The following KATNIP variants were observed in gnomAD, a reference collection of about 807,000 sequenced individuals.
KATNIP encodes katanin-interacting protein.
Under a neutral mutation model 174.0 loss-of-function variants are expected in KATNIP, and 126 were observed. That is an observed-to-expected ratio of 0.72 (90% CI 0.63 to 0.84). The LOEUF is 0.84. KATNIP is among the 40% of genes least tolerant of loss of function. KATNIP has a pLI of 0.00. For missense variants in KATNIP, 1,958 were observed against 2,109.7 expected (o/e 0.93, Z 1.41); for synonymous variants, 810 against 835.7 (o/e 0.97, Z 0.53).
chr16:27,698,520 A>G lies in KATNIP; in HGVS notation c.1113+20A>G. ...CTGCAGGTGCGCTCCGGGCTGGGAGAGGAACCGGGGGATGCTCCCTGGACT... is the reference window on the plus strand; with the variant it reads ...CTGCAGGTGCGCTCCGGGCTGGGAGGGGAACCGGGGGATGCTCCCTGGACT... On this transcript the variant is annotated intron_variant, in intron 9 of 27. Transcript: ENST00000261588. The G allele has an allele frequency of 6.3e-7, 1 of 1,591,576 alleles. No homozygotes were observed.
At chr16:27,620,617 C>T (rs1043773494) in intron 3 of KATNIP, among the ~76,000 whole-genome samples, 1 of 152,146 alleles carries the variant, frequency 6.6e-6, no homozygotes, top group Non-Finnish European at 1.5e-5. Flanking sequence ...GTGGGAAGAA[C>T]TGCAATTTAC....
chr16:27,702,235 G>C (rs1332050157), intron 11 of KATNIP, among the ~76,000 whole-genome samples: 1 of 152,002 alleles, frequency 6.6e-6, no homozygotes, highest in Non-Finnish European at 1.5e-5. Context: ...CAGGTTTCCA[G>C]TAGAATACCC....
intron 1 of KATNIP, among the ~76,000 whole-genome samples, chr16:27,561,138 A>G (rs1394172737): frequency 6.6e-6 from 1 of 150,686 alleles, no homozygotes; most frequent in Non-Finnish European, 1.5e-5. Context: ...TAGCCTCCCA[A>G]GTAGCTGGGA....
At chr16:27,698,583 G>T (rs909903029) in intron 9 of KATNIP, 83 bp downstream of exon 9, 2 of 1,384,572 alleles carry the variant, frequency 1.4e-6, no homozygotes, top group South Asian at 1.5e-5. Context: ...GAGCAAGTGT[G>T]CAGAAGAGAG....
chr16:27,775,102 G>A lies in KATNIP; in HGVS notation c.4449+18G>A. On this transcript the variant is annotated intron_variant, in intron 24 of 27. Transcript: ENST00000261588. ...CGGGCCTGGTGGGTTCCCGGCAGCG[G>A]CCACCGCAGCTCCTGGCCCTCAGGC... 6.2e-7 allele frequency: 1 copy of A among 1,607,946 alleles called. No homozygotes were observed. Among genetic ancestry groups the A allele is most frequent in the Non-Finnish European group, 8.5e-7 (1 of 1,178,438 alleles).
At chr16:27,663,737 G>A (rs566798764) in intron 6 of KATNIP, among the ~76,000 whole-genome samples, 1 of 152,048 alleles carries the variant, frequency 6.6e-6, no homozygotes, top group South Asian at 2.1e-4. Context: ...GGGATTACAG[G>A]CGTGAGCCAC....
chr16:27,686,543 C>T lies in KATNIP; in HGVS notation c.940+5013C>T, dbSNP rs114175776. ...TAGTTTTATCCTCTAACAATCTATG[C>T]GTTTTAATGGGAGCATTCAGTCCAT... On this transcript the variant is annotated intron_variant, in intron 8 of 27. Transcript: ENST00000261588. 4.8e-3 allele frequency among the ~76,000 whole-genome samples: 734 copies of T among 152,148 alleles called. 4 individuals are homozygous for T. The highest frequency in any genetic ancestry group is 0.024 in the Middle Eastern group (7 of 294).
At chr16:27,706,351 T>C (rs2079302162) in intron 12 of KATNIP, among the ~76,000 whole-genome samples, 1 of 152,234 alleles carries the variant, frequency 6.6e-6, no homozygotes, top group South Asian at 2.1e-4. Context: ...TGCTCCCTTC[T>C]GGCAGCCGAG....
At chr16:27,728,706 C>T (rs749911201) in intron 14 of KATNIP, among the ~76,000 whole-genome samples, 1 of 152,208 alleles carries the variant, frequency 6.6e-6, no homozygotes, top group Non-Finnish European at 1.5e-5. Flanking sequence ...CTGGGATTTA[C>T]AGGCATGAAC....
At chr16:27,634,264 C>G (rs967215247) in intron 5 of KATNIP, among the ~76,000 whole-genome samples, 15 of 152,182 alleles carry the variant, frequency 9.9e-5, no homozygotes, top group African/African-American at 3.6e-4. Context: ...TGTAATTGTC[C>G]TTCTACACTG....
chr16:27,631,501 C>T (rs1022576920), intron 5 of KATNIP, among the ~76,000 whole-genome samples: 1 of 151,108 alleles, frequency 6.6e-6, no homozygotes, highest in African/African-American at 2.4e-5. Context: ...GCTACAGTTG[C>T]ACCACTGCAC....
chr16:27,702,922 T>G (rs970649626), intron 11 of KATNIP, among the ~76,000 whole-genome samples: 2 of 152,110 alleles, frequency 1.3e-5, no homozygotes, highest in Admixed American at 1.3e-4. Flanking sequence ...ATCCCAGCAC[T>G]TACGGAGGCC....
chr16:27,550,155 ACCG>A lies in KATNIP; in HGVS notation c.-10_-8del. ...GCCGCTTCCGGTTCGAGCTCCCGGA[ACCG>A]CCGCCTCTAGGGATGGACGGTGAGT... On this transcript the variant is annotated 5_prime_UTR_variant, in exon 1 of 28. Coordinates refer to ENST00000261588, the MANE Select transcript of KATNIP (RefSeq NM_015202.5). 4 of 1,612,450 alleles carry A rather than the reference ACCG, an allele frequency of 2.5e-6. No individual in the cohort carries two copies. The highest frequency in any genetic ancestry group is 3.4e-6 in the Non-Finnish European group (4 of 1,178,886).
chr16:27,648,380 G>A (rs2077022397), intron 5 of KATNIP, among the ~76,000 whole-genome samples: 1 of 152,098 alleles, frequency 6.6e-6, no homozygotes, highest in South Asian at 2.1e-4. Context: ...AGAAACAGTA[G>A]ACTCTTGAGC....
intron 14 of KATNIP, among the ~76,000 whole-genome samples, chr16:27,723,998 C>G (rs913564792): frequency 2.6e-5 from 4 of 152,244 alleles, no homozygotes; most frequent in African/African-American, 9.6e-5. Flanking sequence ...CCAGAGCTTT[C>G]TCTGATTTCT....
At chr16:27,558,568 A>G (rs768439401) in intron 1 of KATNIP, among the ~76,000 whole-genome samples, 12 of 152,230 alleles carry the variant, frequency 7.9e-5, no homozygotes, top group Admixed American at 3.9e-4. Flanking sequence ...AGAAGATAAT[A>G]TTTGTAGAGG....
At chr16:27,573,480 TTG>T (rs1456233948) in intron 1 of KATNIP, among the ~76,000 whole-genome samples, 2 of 152,220 alleles carry the variant, frequency 1.3e-5, no homozygotes, top group African/African-American at 4.8e-5. Context: ...TGTGGTGGAT[TTG>T]GGGGTTTGGT....
chr16:27,715,907 G>GGGTT (rs2079911141), intron 13 of KATNIP, among the ~76,000 whole-genome samples: 1 of 151,776 alleles, frequency 6.6e-6, no homozygotes, highest in African/African-American at 2.4e-5. Context: ...GGTAAATGTA[G>GGGTT]GGTTACCCAT....
intron 8 of KATNIP, among the ~76,000 whole-genome samples, chr16:27,683,912 C>T (rs1026102730): frequency 6.6e-6 from 1 of 152,142 alleles, no homozygotes. Context: ...TTCAGAAGTT[C>T]CTCCAAAACA....
Sources: allele counts gnomAD v4.1 joint callset (sites outside exome capture counted in the v4.1 genomes callset), GRCh38; gene constraint gnomAD v4.1.1; transcripts MANE v1.5; gene names NCBI Gene and HGNC (gene_info 2026-07-23, HGNC 2026-07-21).